The following POU6F2 variants were observed in gnomAD, a reference collection of about 807,000 sequenced individuals.
POU6F2 encodes POU class 6 homeobox 2.
Under a neutral mutation model 71.3 loss-of-function variants are expected in POU6F2, and 31 were observed. That is an observed-to-expected ratio of 0.43 (90% CI 0.33 to 0.59). The LOEUF is 0.59. Among genes scored for constraint, POU6F2 ranks in the 20% least tolerant of loss-of-function variants. The pLI is 0.04. For synonymous variants in POU6F2, 347 were observed against 355.7 expected (o/e 0.98, Z 0.27); for missense variants, 783 against 856.8 (o/e 0.91, Z 1.07).
At chr7:39,097,812 G>A (rs1306428009) in intron 2 of POU6F2, among the ~76,000 whole-genome samples, 1 of 152,120 alleles carries the variant, frequency 6.6e-6, no homozygotes, top group Admixed American at 6.5e-5. Context: ...ACCCCACCCT[G>A]AAATAGCCCA....
At chr7:39,419,060 TAC>T (rs1310950083) in intron 6 of POU6F2, among the ~76,000 whole-genome samples, 1 of 145,674 alleles carries the variant, frequency 6.9e-6, no homozygotes, top group Non-Finnish European at 1.5e-5. Context: ...TACACATATA[TAC>T]ACATATATAC....
At chr7:39,117,634 G>A (rs955976266) in intron 2 of POU6F2, among the ~76,000 whole-genome samples, 8 of 152,118 alleles carry the variant, frequency 5.3e-5, no homozygotes, top group South Asian at 4.1e-4. Context: ...AGGAGAAGCC[G>A]ACAAGAGGGA....
At position 39,250,079 on chromosome 7, in the gene POU6F2, A is replaced by G. The variant is rs571163016; in HGVS notation, c.598+42459A>G. Among the ~76,000 whole-genome samples the G allele has an allele frequency of 3.5e-3, 537 of 152,324 alleles. 4 individuals carry two copies. The highest frequency in any genetic ancestry group is 0.012 in the African/African-American group (502 of 41,582). ...GCCGCATCAGCAGTGCCAGAGAAAC[A>G]AATATCAGCTCCATCTTGGCAGCCC... is the stretch of plus-strand genomic sequence containing the variant. On this transcript the variant is annotated intron_variant, in intron 4 of 9. Transcript: ENST00000518318.
At chr7:39,324,985 T>C (rs1466777384) in intron 4 of POU6F2, among the ~76,000 whole-genome samples, 1 of 152,204 alleles carries the variant, frequency 6.6e-6, no homozygotes, top group Non-Finnish European at 1.5e-5. Flanking sequence ...ACTCACCCAG[T>C]ATCTTCATAA....
At position 39,204,005 on chromosome 7, in the gene POU6F2, A is replaced by G. The variant is rs563163191; in HGVS notation, c.278-230A>G. 3.1e-3 allele frequency among the ~76,000 whole-genome samples: 478 copies of G among 152,166 alleles called. 3 individuals are homozygous for G. The highest frequency in any genetic ancestry group is 0.011 in the African/African-American group (445 of 41,508). On this transcript the variant is annotated intron_variant, in intron 2 of 9. Coordinates refer to ENST00000518318, the MANE Select transcript of POU6F2 (RefSeq NM_001370959.1). ...TCCCACACATACAACACACTGGCATACTCTATGCAAACTGACTGTGCTACA... is the reference window on the plus strand; with the variant it reads ...TCCCACACATACAACACACTGGCATGCTCTATGCAAACTGACTGTGCTACA...
chr7:39,215,493 G>C lies in POU6F2; in HGVS notation c.598+7873G>C, dbSNP rs368252325. Among the ~76,000 whole-genome samples the C allele has an allele frequency of 3.3e-5, 5 of 152,270 alleles. No homozygotes were observed. In the East Asian group the frequency reaches 5.8e-4, roughly 18 times the overall value. On this transcript the variant is annotated intron_variant, in intron 4 of 9. Coordinates refer to ENST00000518318, the MANE Select transcript of POU6F2 (RefSeq NM_001370959.1). ...TAGTTTTAATTATCTGACAGTAAAAGACCACACCAGTTTGATAAGAAACAG... is the reference window on the plus strand; with the variant it reads ...TAGTTTTAATTATCTGACAGTAAAACACCACACCAGTTTGATAAGAAACAG...
At chr7:39,282,947 CA>C (rs1784585443) in intron 4 of POU6F2, among the ~76,000 whole-genome samples, 1 of 152,036 alleles carries the variant, frequency 6.6e-6, no homozygotes, top group African/African-American at 2.4e-5. Flanking sequence ...GTATCCTCTT[CA>C]ATTTTTTTCA....
chr7:39,459,663 T>G (rs1788898654), intron 8 of POU6F2, among the ~76,000 whole-genome samples: 2 of 152,078 alleles, frequency 1.3e-5, no homozygotes, highest in South Asian at 4.2e-4. Flanking sequence ...AACAATAGAG[T>G]CAGCTCACAG....
At chr7:38,999,650 G>A (rs1244841522) in intron 1 of POU6F2, among the ~76,000 whole-genome samples, 3 of 152,030 alleles carry the variant, frequency 2.0e-5, no homozygotes, top group Non-Finnish European at 4.4e-5. Context: ...TGCCTAACTC[G>A]TCTCTCTGAC....
intron 1 of POU6F2, among the ~76,000 whole-genome samples, chr7:39,021,459 AC>A (rs1208844287): frequency 6.6e-6 from 1 of 151,784 alleles, no homozygotes; most frequent in Non-Finnish European, 1.5e-5. Context: ...TATGTACTCC[AC>A]CCCATTTGCC....
chr7:39,387,920 C>A (rs1373905043), intron 5 of POU6F2, among the ~76,000 whole-genome samples: 1 of 152,196 alleles, frequency 6.6e-6, no homozygotes, highest in Non-Finnish European at 1.5e-5. Context: ...GAAAGCCAGA[C>A]CTCCTGCCTC....
At chr7:39,220,805 T>A (rs1794334954) in intron 4 of POU6F2, among the ~76,000 whole-genome samples, 1 of 152,092 alleles carries the variant, frequency 6.6e-6, no homozygotes. Context: ...TGCCTGATAC[T>A]TAGTAAGTGC....
At chr7:39,016,180 TTATATC>T (rs1335942433) in intron 1 of POU6F2, among the ~76,000 whole-genome samples, 5 of 137,024 alleles carry the variant, frequency 3.6e-5, no homozygotes, top group South Asian at 2.1e-4. Context: ...TATAGATACA[TTATATC>T]TATATTATAT....
chr7:39,016,420 G>A (rs1240359573), intron 1 of POU6F2, among the ~76,000 whole-genome samples: 2 of 151,550 alleles, frequency 1.3e-5, no homozygotes, highest in African/African-American at 4.9e-5. Flanking sequence ...TAGGACATGG[G>A]ACAGAAAGGA....
At chr7:39,078,705 CT>C (rs1390687380) in intron 1 of POU6F2, among the ~76,000 whole-genome samples, 2 of 152,178 alleles carry the variant, frequency 1.3e-5, no homozygotes, top group Non-Finnish European at 2.9e-5. Context: ...ATATTTCAGG[CT>C]TTGCAGGCCA....
chr7:39,304,626 A>G (rs1785016916), intron 4 of POU6F2, among the ~76,000 whole-genome samples: 1 of 152,222 alleles, frequency 6.6e-6, no homozygotes, highest in South Asian at 2.1e-4. Context: ...AATGGAAACC[A>G]TCAACTCTGG....
At chr7:39,315,425 A>G (rs907323282) in intron 4 of POU6F2, among the ~76,000 whole-genome samples, 2 of 152,166 alleles carry the variant, frequency 1.3e-5, no homozygotes, top group Non-Finnish European at 2.9e-5. Flanking sequence ...GTGACACATA[A>G]TAGGTACTCA....
intron 4 of POU6F2, among the ~76,000 whole-genome samples, chr7:39,321,261 A>G (rs1785384682): frequency 6.6e-6 from 1 of 152,342 alleles, no homozygotes; most frequent in East Asian, 1.9e-4. Context: ...TCACTTCATT[A>G]TACCTACTTT....
chr7:39,309,233 T>C (rs1785109645), intron 4 of POU6F2, among the ~76,000 whole-genome samples: 1 of 152,194 alleles, frequency 6.6e-6, no homozygotes, highest in East Asian at 1.9e-4. Context: ...GAATTTTCTT[T>C]AAGAAGCAAC....
Sources: allele counts gnomAD v4.1 joint callset (sites outside exome capture counted in the v4.1 genomes callset), GRCh38; gene constraint gnomAD v4.1.1; transcripts MANE v1.5; gene names NCBI Gene and HGNC (gene_info 2026-07-23, HGNC 2026-07-21).